Variants in GNAT3 observed in about 807,000 individuals in gnomAD.
The protein encoded by GNAT3 is guanine nucleotide-binding protein G(t) subunit alpha-3.
GNAT3 carries 31 observed loss-of-function variants against 37.7 expected under a neutral mutation model. That is an observed-to-expected ratio of 0.82 (90% confidence interval 0.62 to 1.11). The LOEUF (loss-of-function observed/expected upper bound fraction) is 1.11, where lower values mean the gene tolerates loss of function less well. Ranked by LOEUF, GNAT3 falls within the 50% of genes most tolerant of loss-of-function variation. The probability of loss-of-function intolerance (pLI) is 0.00; values close to 1 mark genes in which losing one functional copy is unlikely to be tolerated. For synonymous variants in GNAT3, 138 were observed against 139.8 expected (o/e 0.99, Z 0.09); for missense variants, 437 against 412.5 (o/e 1.06, Z -0.51).
intron 1 of GNAT3, among the ~76,000 whole-genome samples, chr7:80,504,034 C>T (rs903050984): frequency 6.6e-6 from 1 of 152,048 alleles, no homozygotes; most frequent in Admixed American, 6.5e-5. Flanking sequence ...TAAAAGTTAT[C>T]GCTCAGGGTG....
intron 7 of GNAT3, among the ~76,000 whole-genome samples, chr7:80,459,744 CTT>C (rs1322310091): frequency 1.3e-5 from 2 of 152,150 alleles, no homozygotes; most frequent in African/African-American, 4.8e-5. Context: ...AAAAATAAGT[CTT>C]TGTTTCCTAC....
Position 80,511,882 on chromosome 7 carries a change from T to C in GNAT3, c.45A>G (p.Arg15=), listed in dbSNP as rs769238589. 6.2e-7 allele frequency: 1 copy of C among 1,612,284 alleles called. No homozygotes were observed. Among genetic ancestry groups the C allele is most frequent in the Admixed American group, 1.7e-5 (1 of 59,786 alleles). ...ISSESKESAK[R]SKELEKKLQE... is the part of the protein sequence containing the mutation. ...GAAGCTTTTTCTCCAGTTCTTTTGATCTTTTGGCTGACTCCTTGCTCTCTG... is the reference window on the plus strand; with the variant it reads ...GAAGCTTTTTCTCCAGTTCTTTTGACCTTTTGGCTGACTCCTTGCTCTCTG... The change falls in exon 1 of 8, where the codon AGA becomes AGG. Residue 15 remains arginine (R), a synonymous_variant. Coordinates refer to ENST00000398291, the MANE Select transcript of GNAT3 (RefSeq NM_001102386.3).
Position 80,492,613 on chromosome 7 carries a change from G to A in GNAT3, c.161+1992C>T, listed in dbSNP as rs373407299. Reference sequence around the variant, plus strand: ...TTCATTATCTTAAATAGTGATATAAGCCTTTTATACAGGCTTTTATATTAT... The same window carrying A: ...TTCATTATCTTAAATAGTGATATAAACCTTTTATACAGGCTTTTATATTAT... On this transcript the variant is annotated intron_variant, in intron 2 of 7. Coordinates refer to ENST00000398291, the MANE Select transcript of GNAT3 (RefSeq NM_001102386.3). Among the ~76,000 whole-genome samples, 235 of 151,424 alleles carry A rather than the reference G, an allele frequency of 1.6e-3. 7 individuals carry two copies. The South Asian group carries it at 0.047, about 31-fold the overall frequency.
At chr7:80,464,019 T>C (rs1211770756) in intron 5 of GNAT3, among the ~76,000 whole-genome samples, 5 of 151,690 alleles carry the variant, frequency 3.3e-5, no homozygotes, top group African/African-American at 1.2e-4. Context: ...TCAATAAATA[T>C]TTACTAAGCA....
intron 2 of GNAT3, among the ~76,000 whole-genome samples, chr7:80,491,093 G>C (rs1166018152): frequency 6.6e-6 from 1 of 152,108 alleles, no homozygotes; most frequent in Non-Finnish European, 1.5e-5. Context: ...TGCAATGAAG[G>C]GAAGAGAAGG....
At chr7:80,475,114 TC>T (rs1246643139) in intron 4 of GNAT3, among the ~76,000 whole-genome samples, 7 of 151,940 alleles carry the variant, frequency 4.6e-5, no homozygotes, top group Non-Finnish European at 7.4e-5. Flanking sequence ...GTACCCACTG[TC>T]CCCACTCCCA....
chr7:80,481,522 A>G (rs986460692), intron 3 of GNAT3, among the ~76,000 whole-genome samples: 1 of 152,196 alleles, frequency 6.6e-6, no homozygotes, highest in African/African-American at 2.4e-5. Context: ...ACTCCAGTAT[A>G]GAGCAGGCCC....
At chr7:80,497,538 ATATACACATATACG>A in intron 1 of GNAT3, among the ~76,000 whole-genome samples, 1 of 132,672 alleles carries the variant, frequency 7.5e-6, no homozygotes, top group Non-Finnish European at 1.6e-5. Flanking sequence ...CTCTCTATAT[ATATACACATATACG>A]TATATACATA....
intron 1 of GNAT3, among the ~76,000 whole-genome samples, chr7:80,503,706 G>A (rs1183291881): frequency 6.6e-6 from 1 of 152,140 alleles, no homozygotes; most frequent in African/African-American, 2.4e-5. Flanking sequence ...AAAACATAAA[G>A]ATACATGGGC....
At chr7:80,483,733 A>T (rs1175403782) in intron 3 of GNAT3, among the ~76,000 whole-genome samples, 3 of 151,726 alleles carry the variant, frequency 2.0e-5, no homozygotes, top group Non-Finnish European at 2.9e-5. Context: ...TGTTGCCTCC[A>T]TGTCCTTCGG....
In GNAT3 at chr7:80,497,254, A is replaced by G. The variant is rs78604166; in HGVS notation, c.119-2607T>C. Among the ~76,000 whole-genome samples the G allele has an allele frequency of 3.6e-3, 548 of 152,242 alleles. 28 individuals carry two copies. The East Asian group carries it at 0.094, about 26-fold the overall frequency. On this transcript the variant is annotated intron_variant, in intron 1 of 7. Coordinates refer to ENST00000398291, the MANE Select transcript of GNAT3 (RefSeq NM_001102386.3). ...ATCATCTTGCCCATTTTCCGAAGAC[A>G]ACTGACCCTATCATTTTGCATGGCT...
At chr7:80,510,173 C>G (rs915652156) in intron 1 of GNAT3, among the ~76,000 whole-genome samples, 20 of 152,222 alleles carry the variant, frequency 1.3e-4, no homozygotes, top group African/African-American at 4.6e-4. Flanking sequence ...ACCTTTCTAC[C>G]TTGTTCTTTT....
Position 80,462,301 on chromosome 7 carries a change from A to C in GNAT3, c.732T>G (p.His244Gln). Residue 244 changes from histidine (H) to glutamine (Q), a missense_variant, in exon 7 of 8, where the codon CAT becomes CAG. Transcript: ENST00000398291. ...TACTGTTGAACAGGTGAAGGCTTTC[A>C]TGCATTCTATTCTGTTAGGTATCAG... ...LVEDEEVNRM[H>Q]ESLHLFNSIC... 1 of 1,613,006 alleles carries C rather than the reference A, an allele frequency of 6.2e-7. No homozygotes were observed. Among genetic ancestry groups the C allele is most frequent in the Non-Finnish European group, 8.5e-7 (1 of 1,179,218 alleles).
At chr7:80,464,036 A>T (rs953505191) in intron 5 of GNAT3, among the ~76,000 whole-genome samples, 17 of 151,746 alleles carry the variant, frequency 1.1e-4, no homozygotes, top group African/African-American at 3.9e-4. Context: ...AGCACTTATT[A>T]TATGCCAGGC....
chr7:80,471,181 C>A (rs192665507), intron 5 of GNAT3, among the ~76,000 whole-genome samples: 1 of 150,220 alleles, frequency 6.7e-6, no homozygotes, highest in Non-Finnish European at 1.5e-5. Context: ...GAGGCTAGGC[C>A]AGTCTGTCTT....
rs746390156 is a variant in GNAT3, at chr7:80,478,875, C to T, written c.427G>A (p.Ala143Thr). 1.9e-6 allele frequency: 3 copies of T among 1,613,280 alleles called. No individual in the cohort carries two copies. The highest frequency in any genetic ancestry group is 1.1e-5 in the South Asian group (1 of 91,056). The change falls in exon 4 of 8, where the codon GCA becomes ACA. Residue 143 changes from alanine (A) to threonine (T), a missense_variant. Transcript: ENST00000398291. ...DPGIQACFERASEYQLNDSAA... is the reference protein window; with the variant it reads ...DPGIQACFERTSEYQLNDSAA... Reference sequence around the variant, plus strand: ...GAGTCATTGAGCTGATATTCAGATGCCCTTTCAAAGCAGGCCTGAATTCCT... The same window carrying T: ...GAGTCATTGAGCTGATATTCAGATGTCCTTTCAAAGCAGGCCTGAATTCCT...
intron 3 of GNAT3, among the ~76,000 whole-genome samples, chr7:80,482,155 G>T (rs1356845962): frequency 1.3e-5 from 2 of 152,088 alleles, no homozygotes; most frequent in Non-Finnish European, 2.9e-5. Flanking sequence ...TGGCTTTTTT[G>T]TCAACAAATG....
At chr7:80,462,109 A>T (rs1386054171) in intron 7 of GNAT3, 50 bp downstream of exon 7, 1 of 1,149,982 alleles carries the variant, frequency 8.7e-7, no homozygotes, top group African/African-American at 1.6e-5. Flanking sequence ...TAGGAAATAT[A>T]TATTTATACA....
chr7:80,464,883 A>G (rs1244373078), intron 5 of GNAT3, among the ~76,000 whole-genome samples: 2 of 152,134 alleles, frequency 1.3e-5, no homozygotes, highest in Non-Finnish European at 2.9e-5. Flanking sequence ...GATGCTCACA[A>G]TATTGAAGAT....
Sources: gnomAD v4.1 joint callset for allele counts (sites outside exome capture counted in the v4.1 genomes callset) on GRCh38, gnomAD v4.1.1 for gene constraint, MANE v1.5 for transcripts, NCBI Gene and HGNC (gene_info 2026-07-23, HGNC 2026-07-21) for gene names.